The following DCLK1 variants were observed in gnomAD, a reference collection of about 807,000 sequenced individuals.
DCLK1 encodes serine/threonine-protein kinase DCLK1.
In DCLK1, 16 loss-of-function variants were observed where a neutral mutation model predicts 86.2. The ratio of observed to expected loss-of-function variants is 0.19; its 90% CI spans 0.13 to 0.28. DCLK1 has a LOEUF of 0.28. Among genes scored for constraint, DCLK1 ranks in the 10% least tolerant of loss-of-function variants. DCLK1 has a pLI of 1.00. For missense variants in DCLK1, 590 were observed against 940.2 expected, an observed-to-expected ratio of 0.63 and a Z score of 4.87; for synonymous variants, 369 against 370.5, an observed-to-expected ratio of 1.00 and a Z score of 0.05.
intron 4 of DCLK1, among the ~76,000 whole-genome samples, chr13:35,919,795 T>C (rs1317465721): frequency 6.7e-6 from 1 of 150,062 alleles, no homozygotes; most frequent in Non-Finnish European, 1.5e-5. Context: ...ACCCCACCCC[T>C]CTCAAAAAAA....
intron 4 of DCLK1, among the ~76,000 whole-genome samples, chr13:35,931,770 GAGT>G (rs1876446395): frequency 6.6e-6 from 1 of 152,152 alleles, no homozygotes; most frequent in South Asian, 2.1e-4. Context: ...TTGACAGATG[GAGT>G]AGATTCCTTC....
intron 15 of DCLK1, among the ~76,000 whole-genome samples, chr13:35,802,323 C>T (rs2086937665): frequency 6.7e-6 from 1 of 148,894 alleles, no homozygotes; most frequent in Non-Finnish European, 1.5e-5. Flanking sequence ...CAGAGTGAGA[C>T]CCTGTCTCAA....
chr13:35,895,021 A>T (rs555479043), intron 4 of DCLK1, among the ~76,000 whole-genome samples: 3 of 152,158 alleles, frequency 2.0e-5, no homozygotes, highest in Non-Finnish European at 4.4e-5. Flanking sequence ...ATCATGGCTC[A>T]CTGCAACCTC....
chr13:35,986,073 G>A (rs1443829845), intron 3 of DCLK1, among the ~76,000 whole-genome samples: 1 of 151,976 alleles, frequency 6.6e-6, no homozygotes, highest in Non-Finnish European at 1.5e-5. Context: ...GGAGGTCGAG[G>A]CAGGCAGATC....
At chr13:35,972,077 G>A (rs1879092172) in intron 3 of DCLK1, among the ~76,000 whole-genome samples, 1 of 152,040 alleles carries the variant, frequency 6.6e-6, no homozygotes, top group African/African-American at 2.4e-5. Flanking sequence ...CCACAGACTT[G>A]GATACCTATC....
intron 4 of DCLK1, among the ~76,000 whole-genome samples, chr13:35,923,375 C>CT (rs1173828429): frequency 0.014 from 1,961 of 144,884 alleles, 38 homozygotes; most frequent in African/African-American, 0.038. Flanking sequence ...GCTTCACTTT[C>CT]TTTTTTTTTT....
At chr13:36,034,066 G>C (rs1367504762) in intron 3 of DCLK1, among the ~76,000 whole-genome samples, 2 of 152,160 alleles carry the variant, frequency 1.3e-5, no homozygotes, top group Non-Finnish European at 2.9e-5. Context: ...CAGGAGGGAA[G>C]GTCTTTGTCC....
At chr13:36,044,482 A>T (rs1882805380) in intron 3 of DCLK1, among the ~76,000 whole-genome samples, 1 of 152,184 alleles carries the variant, frequency 6.6e-6, no homozygotes, top group African/African-American at 2.4e-5. Flanking sequence ...AATTTTCTGA[A>T]GGAAGTGTAA....
chr13:36,043,414 T>A (rs941134285), intron 3 of DCLK1, among the ~76,000 whole-genome samples: 2 of 151,380 alleles, frequency 1.3e-5, no homozygotes, highest in Non-Finnish European at 2.9e-5. Flanking sequence ...ACTTTAAAGA[T>A]CAATATAGGA....
chr13:35,991,606 G>T (rs1218682584), intron 3 of DCLK1, among the ~76,000 whole-genome samples: 2 of 152,200 alleles, frequency 1.3e-5, no homozygotes, highest in Admixed American at 6.5e-5. Context: ...CGAGGCTGCA[G>T]TGAGCTGTGA....
At chr13:35,999,684 T>C (rs1049796164) in intron 3 of DCLK1, among the ~76,000 whole-genome samples, 3 of 152,168 alleles carry the variant, frequency 2.0e-5, no homozygotes, top group Non-Finnish European at 4.4e-5. Context: ...GGCTGGAATT[T>C]AAAAATAGCA....
intron 3 of DCLK1, among the ~76,000 whole-genome samples, chr13:36,014,057 T>A (rs1334019248): frequency 6.6e-6 from 1 of 152,224 alleles, no homozygotes; most frequent in African/African-American, 2.4e-5. Flanking sequence ...TGCCTCGCCC[T>A]GCTTCGGCTC....
chr13:36,131,593 C>T (rs899994108), upstream of DCLK1, among the ~76,000 whole-genome samples: 3 of 152,142 alleles, frequency 2.0e-5, no homozygotes, highest in Admixed American at 6.5e-5. Flanking sequence ...TGACTACACC[C>T]CTAAACCTCC....
At chr13:35,822,320 A>G (rs2153104914) in intron 11 of DCLK1, among the ~76,000 whole-genome samples, 1 of 139,204 alleles carries the variant, frequency 7.2e-6, no homozygotes, top group East Asian at 2.2e-4. Flanking sequence ...TGTCCGGCTA[A>G]TTAAAAAAAA....
intron 3 of DCLK1, among the ~76,000 whole-genome samples, chr13:36,076,823 T>C (rs1379456106): frequency 6.6e-6 from 1 of 152,158 alleles, no homozygotes; most frequent in Non-Finnish European, 1.5e-5. Flanking sequence ...TACATAACGC[T>C]TTCCCAAATG....
intron 3 of DCLK1, among the ~76,000 whole-genome samples, chr13:36,109,274 T>G (rs1885523832): frequency 6.6e-6 from 1 of 152,178 alleles, no homozygotes; most frequent in African/African-American, 2.4e-5. Flanking sequence ...GTCAGCAGAA[T>G]GACTGCAGGG....
Position 36,073,415 on chromosome 13 carries a change from A to T in DCLK1, c.723+38454T>A, listed in dbSNP as rs1428536970. Among the ~76,000 whole-genome samples, 3 of 152,222 alleles carry T rather than the reference A, an allele frequency of 2.0e-5. No individual in the cohort carries two copies. The South Asian group carries it at 6.2e-4, about 31-fold the overall frequency. ...AACCATAAGGTATCATTATTTGCCC[A>T]ATTCTAGAGATAACGAATATGAGGT... On this transcript the variant is annotated intron_variant, in intron 3 of 16. Coordinates refer to ENST00000360631, the MANE Select transcript of DCLK1 (RefSeq NM_001330071.2).
chr13:35,776,870 C>A (rs753880613), intron 16 of DCLK1, among the ~76,000 whole-genome samples: 15 of 152,292 alleles, frequency 9.8e-5, no homozygotes, highest in Non-Finnish European at 1.9e-4. Flanking sequence ...TGGCTGCAGC[C>A]ACTGAAATAC....
At chr13:35,990,001 G>A (rs763034668) in intron 3 of DCLK1, among the ~76,000 whole-genome samples, 10 of 152,104 alleles carry the variant, frequency 6.6e-5, no homozygotes, top group Non-Finnish European at 1.3e-4. Flanking sequence ...AGCTGCTGGG[G>A]TAATCAGTCT....
Sources: allele counts gnomAD v4.1 joint callset (sites outside exome capture counted in the v4.1 genomes callset), GRCh38; gene constraint gnomAD v4.1.1; transcripts MANE v1.5; gene names NCBI Gene and HGNC (gene_info 2026-07-23, HGNC 2026-07-21).